Variants in DLAT observed in about 807,000 individuals in gnomAD.
The protein encoded by DLAT is dihydrolipoamide S-acetyltransferase.
DLAT carries 43 observed loss-of-function variants against 68.0 expected under a neutral mutation model. The ratio of observed to expected loss-of-function variants is 0.63; its 90% CI spans 0.50 to 0.81. The LOEUF (loss-of-function observed/expected upper bound fraction) is 0.81. Ranked by LOEUF, DLAT falls within the 40% of genes least tolerant of loss-of-function variation. DLAT has a pLI of 0.00. For synonymous variants in DLAT, 265 were observed against 288.6 expected (o/e 0.92, Z 0.83); for missense variants, 745 against 815.4 (o/e 0.91, Z 1.05).
rs782341965 is a variant in DLAT, at chr11:112,025,565, T to G, written c.93T>G (p.Thr31=). The part of the protein sequence containing the change: ...RWTALQEVPG[T]PRVTSRSGPA... ...CGGCCTTGCAGGAGGTACCCGGAAC[T>G]CCACGAGTGACCTCGCGATCTGGCC... is the stretch of plus-strand genomic sequence containing the variant. Residue 31 remains threonine (T), a synonymous_variant, in exon 1 of 14, where the codon ACT becomes ACG. Transcript: ENST00000280346. The G allele has an allele frequency of 6.2e-7, 1 of 1,613,948 alleles. No homozygotes were observed. The highest frequency in any genetic ancestry group is 8.5e-7 in the Non-Finnish European group (1 of 1,179,978).
Position 112,028,634 on chromosome 11 carries a change from T to TGGCAAGTG in DLAT, c.502_506+3dup. 1 of 1,614,210 alleles carries TGGCAAGTG rather than the reference T, an allele frequency of 6.2e-7. No homozygotes were observed. On this transcript the variant is annotated frameshift_variant, in exon 3 of 14. Coordinates refer to ENST00000280346, the MANE Select transcript of DLAT (RefSeq NM_001931.5). LOFTEE classifies it high-confidence loss of function. ...TCGGAGCGATCATCTGTATCACAGT[T>TGGCAAGTG]GGCAAGTGAGTAGTGCGCTCATAAT...
chr11:112,046,071 G>A, intron 10 of DLAT, 101 bp downstream of exon 10: 1 of 699,466 alleles, frequency 1.4e-6, no homozygotes, highest in Non-Finnish European at 2.5e-6. Flanking sequence ...CAATATATCA[G>A]TTGGTGGTTA....
intron 4 of DLAT, 40 bp from the exon 5 acceptor site, chr11:112,033,364 C>T (rs1382421441): frequency 6.2e-7 from 1 of 1,607,762 alleles, no homozygotes; most frequent in Non-Finnish European, 8.5e-7. Context: ...ATGTAGAAGT[C>T]TTCCTGGTAT....
chr11:112,030,060 C>CT (rs1862312371), intron 4 of DLAT: 1 of 947,556 alleles, frequency 1.1e-6, no homozygotes, highest in Middle Eastern at 2.3e-4. Context: ...AGCTGAGTGT[C>CT]TAAGTTTAAA....
At chr11:112,049,169 C>T (rs1049487708) in intron 10 of DLAT, among the ~76,000 whole-genome samples, 1 of 151,670 alleles carries the variant, frequency 6.6e-6, no homozygotes, top group Non-Finnish European at 1.5e-5. Flanking sequence ...TTAGTAGAGA[C>T]GGGGTTTCAC....
At chr11:112,042,255 C>T (rs1863090445) in intron 7 of DLAT, among the ~76,000 whole-genome samples, 1 of 152,152 alleles carries the variant, frequency 6.6e-6, no homozygotes, top group African/African-American at 2.4e-5. Context: ...TACAAGGTTT[C>T]AACTAACTCC....
At position 112,039,253 on chromosome 11, in the gene DLAT, G is replaced by C. The variant is rs1461159691; in HGVS notation, c.985G>C (p.Val329Leu). 3 of 1,613,958 alleles carry C rather than the reference G, an allele frequency of 1.9e-6. No individual in the cohort carries two copies. In the Admixed American group the frequency reaches 5.0e-5, roughly 27 times the overall value. ...PPPTPPPVAAVPPTPQPLAPT... is the reference protein window; with the variant it reads ...PPPTPPPVAALPPTPQPLAPT... Reference sequence around the variant, plus strand: ...AATTTTTTTTCAAAAGGTGGCCGCTGTTCCTCCAACTCCCCAGCCTTTAGC... The same window carrying C: ...AATTTTTTTTCAAAAGGTGGCCGCTCTTCCTCCAACTCCCCAGCCTTTAGC... The change falls in exon 7 of 14, where the codon GTT becomes CTT. Residue 329 changes from valine (V) to leucine (L), a missense_variant. Transcript: ENST00000280346.
chr11:112,035,521 C>T (rs1323187407), intron 5 of DLAT, among the ~76,000 whole-genome samples: 2 of 150,006 alleles, frequency 1.3e-5, no homozygotes, highest in African/African-American at 4.9e-5. Context: ...CAGAGTCTGG[C>T]TCTGTTGTCC....
chr11:112,049,478 A>G (rs1300290694), intron 10 of DLAT, among the ~76,000 whole-genome samples: 4 of 151,504 alleles, frequency 2.6e-5, no homozygotes, highest in South Asian at 2.1e-4. Flanking sequence ...ACTTATTTCT[A>G]GGTATTTTAT....
intron 2 of DLAT, among the ~76,000 whole-genome samples, 179 bp downstream of exon 2, chr11:112,026,478 G>A (rs1446134283): frequency 1.3e-5 from 2 of 151,992 alleles, no homozygotes; most frequent in Non-Finnish European, 2.9e-5. Flanking sequence ...GCGGCCTTCC[G>A]CAGTGTTTGT....
rs1238887173 is a variant in DLAT, at chr11:112,025,650, G to A, written c.178G>A (p.Gly60Ser). ...GTATGGCGGGGTCCGGGCACTGTGCGGCTGGACCCCCAGTTCTGGGGCCAC... is the reference window on the plus strand; with the variant it reads ...GTATGGCGGGGTCCGGGCACTGTGCAGCTGGACCCCCAGTTCTGGGGCCAC... ...TGYGGVRALCGWTPSSGATPR... is the reference protein window; with the variant it reads ...TGYGGVRALCSWTPSSGATPR... Residue 60 changes from glycine (G) to serine (S), a missense_variant, in exon 1 of 14, where the codon GGC (glycine) becomes AGC (serine). Coordinates refer to ENST00000280346, the MANE Select transcript of DLAT (RefSeq NM_001931.5). 1 of 1,613,268 alleles carries A rather than the reference G, an allele frequency of 6.2e-7. No individual in the cohort carries two copies. Among genetic ancestry groups the A allele is most frequent in the Non-Finnish European group, 8.5e-7 (1 of 1,179,970 alleles).
At position 112,061,068 on chromosome 11, in the gene DLAT, A is replaced by G; in HGVS notation, c.1708A>G (p.Met570Val). The G allele has an allele frequency of 6.2e-7, 1 of 1,610,716 alleles. No homozygotes were observed. Among genetic ancestry groups the G allele is most frequent in the Non-Finnish European group, 8.5e-7 (1 of 1,178,030 alleles). ...CACTTTTACGATCTCCAATTTAGGA[A>G]TGTTTGGAATTAAGAATTTCTCTGC... is the stretch of plus-strand genomic sequence containing the variant. ...GGTFTISNLG[M>V]FGIKNFSAII... The change falls in exon 13 of 14, where the codon ATG (methionine) becomes GTG (valine). Residue 570 changes from methionine (M) to valine (V), a missense_variant. Coordinates refer to ENST00000280346, the MANE Select transcript of DLAT (RefSeq NM_001931.5).
rs1864681022 is a variant in DLAT, at chr11:112,062,281, TG to T, written c.1815-123del. 4.9e-6 allele frequency: 5 copies of T among 1,021,970 alleles called. No homozygotes were observed. In the South Asian group the frequency reaches 7.2e-5, roughly 15 times the overall value. 63.3% of individuals were successfully genotyped at this position (1,021,970 alleles called of 1,614,324 possible). ...AATTTGAGCTAAAGGTATAGGAGAC[TG>T]GAAGAGTAGATAGGAAGTATTACCT... On this transcript the variant is annotated intron_variant, in intron 13 of 13. Coordinates refer to ENST00000280346, the MANE Select transcript of DLAT (RefSeq NM_001931.5).
chr11:112,029,310 A>G (rs1862266096), intron 4 of DLAT, among the ~76,000 whole-genome samples: 1 of 152,232 alleles, frequency 6.6e-6, no homozygotes, highest in African/African-American at 2.4e-5. Flanking sequence ...GCATGAAGAA[A>G]TACCTAGGGC....
intron 4 of DLAT, 89 bp downstream of exon 4, chr11:112,029,034 C>T: frequency 6.9e-7 from 1 of 1,452,348 alleles, no homozygotes; most frequent in Non-Finnish European, 9.6e-7. Context: ...TGGAAACTGA[C>T]ATTAAATGTG....
At chr11:112,044,579 CA>C (rs1243467645) in intron 8 of DLAT, among the ~76,000 whole-genome samples, 1 of 151,972 alleles carries the variant, frequency 6.6e-6, no homozygotes, top group Non-Finnish European at 1.5e-5. Context: ...TTTGCAAAAA[CA>C]AAATTATTTT....
intron 11 of DLAT, among the ~76,000 whole-genome samples, chr11:112,054,533 A>G (rs1863883956): frequency 6.6e-6 from 1 of 152,186 alleles, no homozygotes; most frequent in South Asian, 2.1e-4. Flanking sequence ...CTGAAACTCC[A>G]CAAGCGAGGA....
At position 112,054,257 on chromosome 11, in the gene DLAT, A is replaced by G. The variant is rs1456285507; in HGVS notation, c.1514+2908A>G. Among the ~76,000 whole-genome samples the G allele has an allele frequency of 2.0e-5, 3 of 152,180 alleles. No individual in the cohort carries two copies. In the South Asian group the frequency reaches 6.2e-4, roughly 32 times the overall value. On this transcript the variant is annotated intron_variant, in intron 11 of 13. Coordinates refer to ENST00000280346, the MANE Select transcript of DLAT (RefSeq NM_001931.5). ...CTTGAACCTGGGAGGCGGAGGTTGC[A>G]GTGAGCTGGGATTGCACGCGCCACT...
At chr11:112,045,540 T>C (rs1863269016) in intron 9 of DLAT, among the ~76,000 whole-genome samples, 1 of 152,012 alleles carries the variant, frequency 6.6e-6, no homozygotes, top group Non-Finnish European at 1.5e-5. Flanking sequence ...ATACAAAAAT[T>C]AGCCGGGCAT....
Sources: allele counts gnomAD v4.1 joint callset (sites outside exome capture counted in the v4.1 genomes callset), GRCh38; gene constraint gnomAD v4.1.1; transcripts MANE v1.5; gene names NCBI Gene and HGNC (gene_info 2026-07-23, HGNC 2026-07-21).